The following EPHA7 variants were observed in gnomAD, a reference collection of about 807,000 sequenced individuals.
EPHA7 encodes the protein ephrin type-A receptor 7.
In EPHA7, 25 loss-of-function variants were observed where a neutral mutation model predicts 112.6. That is an observed-to-expected ratio of 0.22 (90% confidence interval 0.16 to 0.31). The LOEUF (loss-of-function observed/expected upper bound fraction) is 0.31. Ranked by LOEUF, EPHA7 falls within the 10% of genes least tolerant of loss-of-function variation. The pLI, the probability that EPHA7 is intolerant of heterozygous loss-of-function variation, is 1.00. For missense variants in EPHA7, 962 were observed against 1,212.6 expected (o/e 0.79, Z 3.07); for synonymous variants, 437 against 406.5 (o/e 1.07, Z -0.90).
At chr6:93,296,472 T>C (rs1475072630) in intron 5 of EPHA7, among the ~76,000 whole-genome samples, 2 of 137,886 alleles carry the variant, frequency 1.5e-5, no homozygotes, top group Non-Finnish European at 3.2e-5. Context: ...TATATGTATA[T>C]ATATAATACA....
chr6:93,327,034 T>C (rs954121157), intron 5 of EPHA7, among the ~76,000 whole-genome samples: 1 of 151,548 alleles, frequency 6.6e-6, no homozygotes, highest in East Asian at 1.9e-4. Flanking sequence ...CTATCTAGAA[T>C]TGGGCACAAT....
rs1248659806 is a variant in EPHA7, at chr6:93,241,239, C to A, written c.*2187G>T. The A allele has an allele frequency of 4.6e-6, 1 of 218,342 alleles. No homozygotes were observed. The highest frequency in any genetic ancestry group is 9.2e-6 in the Non-Finnish European group (1 of 108,634). The allele number at this position is 218,342 out of a possible 1,614,324, so 13.5% of individuals were successfully genotyped here. A position where few individuals can be genotyped will look rare whatever the true frequency, so the allele number is the denominator to read the frequency against. On this transcript the variant is annotated 3_prime_UTR_variant, in exon 17 of 17. Transcript: ENST00000369303. ...AAAAATAAGCACCTTAAGCTATGAA[C>A]AAGAAAAGAACTTCATTATTAGTGA...
At chr6:93,272,529 A>C (rs1023135713) in intron 5 of EPHA7, 107 bp from the exon 6 acceptor site, 16 of 1,362,448 alleles carry the variant, frequency 1.2e-5, no homozygotes, top group Non-Finnish European at 1.6e-5. Flanking sequence ...ATTAAGGTAA[A>C]AGAAAGCACC....
intron 3 of EPHA7, among the ~76,000 whole-genome samples, chr6:93,373,754 T>A (rs1050903999): frequency 5.3e-5 from 8 of 152,054 alleles, no homozygotes; most frequent in African/African-American, 1.9e-4. Context: ...CTCTTCTTTT[T>A]TTTTTCTGGT....
At chr6:93,371,143 G>A (rs1379020762) in intron 3 of EPHA7, among the ~76,000 whole-genome samples, 1 of 150,862 alleles carries the variant, frequency 6.6e-6, no homozygotes, top group Non-Finnish European at 1.5e-5. Flanking sequence ...CAGCCTGGGC[G>A]ACAGAGTGAG....
rs185416838 is a variant in EPHA7, at chr6:93,400,166, T to C, written c.832+10335A>G. On this transcript the variant is annotated intron_variant, in intron 3 of 16. Transcript: ENST00000369303. ...AAGTCACTTATTTTACTGGGATAAA[T>C]GTAGAAGATATTATGAAACATTTTA... 3.8e-4 allele frequency among the ~76,000 whole-genome samples: 58 copies of C among 152,148 alleles called. 1 individual carries two copies. Among genetic ancestry groups the C allele is most frequent in the Admixed American group, 2.4e-3 (37 of 15,244 alleles).
chr6:93,380,936 C>A (rs1401171895), intron 3 of EPHA7, among the ~76,000 whole-genome samples: 1 of 152,080 alleles, frequency 6.6e-6, no homozygotes, highest in Non-Finnish European at 1.5e-5. Context: ...GCAGGTGGTC[C>A]TTAATTTTTC....
chr6:93,380,245 C>A (rs2127970013), intron 3 of EPHA7, among the ~76,000 whole-genome samples: 1 of 152,126 alleles, frequency 6.6e-6, no homozygotes, highest in South Asian at 2.1e-4. Flanking sequence ...TTCTAAACTG[C>A]CACAAGACAA....
At chr6:93,391,868 C>T (rs1008576219) in intron 3 of EPHA7, among the ~76,000 whole-genome samples, 2 of 151,196 alleles carry the variant, frequency 1.3e-5, no homozygotes, top group Non-Finnish European at 3.0e-5. Flanking sequence ...AAACTCTTCA[C>T]GGTTTATGAG....
intron 5 of EPHA7, among the ~76,000 whole-genome samples, chr6:93,327,227 T>A (rs117717826): frequency 0.02 from 3,087 of 151,654 alleles, 43 homozygotes; most frequent in Non-Finnish European, 0.034. Context: ...TTGGGACAGA[T>A]CATTGCCTCC....
intron 5 of EPHA7, among the ~76,000 whole-genome samples, chr6:93,349,874 C>A (rs1025079850): frequency 2.0e-5 from 3 of 151,820 alleles, no homozygotes; most frequent in African/African-American, 7.2e-5. Flanking sequence ...AGTTGAGTCA[C>A]ATTAATTCAT....
intron 14 of EPHA7, among the ~76,000 whole-genome samples, chr6:93,248,244 C>G (rs1055632632): frequency 6.6e-6 from 1 of 151,654 alleles, no homozygotes; most frequent in Admixed American, 6.6e-5. Flanking sequence ...TGCTGACATT[C>G]AAAAATAGCA....
intron 3 of EPHA7, among the ~76,000 whole-genome samples, chr6:93,370,094 T>C (rs1010688033): frequency 5.9e-5 from 9 of 152,112 alleles, no homozygotes; most frequent in African/African-American, 1.9e-4. Context: ...GCATCCTTAA[T>C]ACAGTAACAA....
In EPHA7 at chr6:93,411,099, C is replaced by T; in HGVS notation, c.234G>A (p.Glu78=). 1.2e-6 allele frequency: 2 copies of T among 1,613,798 alleles called. No homozygotes were observed. The highest frequency in any genetic ancestry group is 1.7e-6 in the Non-Finnish European group (2 of 1,179,954). ...IRTYQVCQVM[E]PNQNNWLRTN... ...TCCGCAGCCAGTTGTTTTGGTTGGG[C>T]TCCATGACTTGGCACACCTGGTATG... is the stretch of plus-strand genomic sequence containing the variant. The change falls in exon 3 of 17, where the codon GAG becomes GAA. Residue 78 remains glutamate (E), a synonymous_variant. Coordinates refer to ENST00000369303, the MANE Select transcript of EPHA7 (RefSeq NM_004440.4).
At chr6:93,305,864 G>A (rs1029084883) in intron 5 of EPHA7, among the ~76,000 whole-genome samples, 7 of 151,798 alleles carry the variant, frequency 4.6e-5, no homozygotes, top group Non-Finnish European at 8.8e-5. Flanking sequence ...TGGTCACACA[G>A]ATATAATAGT....
At chr6:93,273,620 G>T (rs1420413611) in intron 5 of EPHA7, among the ~76,000 whole-genome samples, 1 of 151,926 alleles carries the variant, frequency 6.6e-6, no homozygotes, top group Admixed American at 6.6e-5. Flanking sequence ...TAACAAAAGC[G>T]TAACGAGGGC....
intron 3 of EPHA7, among the ~76,000 whole-genome samples, chr6:93,382,189 G>T (rs977904951): frequency 6.6e-6 from 1 of 152,118 alleles, no homozygotes; most frequent in Non-Finnish European, 1.5e-5. Context: ...TGGTACCAGG[G>T]ACTGGTTTTG....
intron 2 of EPHA7, 85 bp downstream of exon 2, chr6:93,414,618 G>A (rs1345385536): frequency 2.1e-6 from 2 of 970,404 alleles, no homozygotes; most frequent in African/African-American, 1.6e-5. Flanking sequence ...TATACATGAA[G>A]AGTGTGAATA....
chr6:93,286,490 T>C (rs1332094463), intron 5 of EPHA7, among the ~76,000 whole-genome samples: 1 of 152,050 alleles, frequency 6.6e-6, no homozygotes, highest in Non-Finnish European at 1.5e-5. Flanking sequence ...AAGAAGATAT[T>C]AGGGAGAAAA....
Sources: gnomAD v4.1 joint callset for allele counts (sites outside exome capture counted in the v4.1 genomes callset) on GRCh38, gnomAD v4.1.1 for gene constraint, MANE v1.5 for transcripts, NCBI Gene and HGNC (gene_info 2026-07-23, HGNC 2026-07-21) for gene names.